CLCNKB: variants seen among roughly 807,000 people sequenced by gnomAD.
The protein encoded by CLCNKB is chloride voltage-gated channel Kb, also known as chloride channel protein ClC-Kb.
CLCNKB carries 74 observed loss-of-function variants against 83.8 expected under a neutral mutation model. The ratio of observed to expected loss-of-function variants is 0.88; its 90% CI spans 0.73 to 1.07. CLCNKB has a LOEUF of 1.07. Ranked by LOEUF, CLCNKB falls within the 50% of genes least tolerant of loss-of-function variation. CLCNKB has a pLI of 0.00. For synonymous variants in CLCNKB, 358 were observed against 356.6 expected (o/e 1.00, Z -0.04); for missense variants, 798 against 893.6 (o/e 0.89, Z 1.36).
At chr1:16,054,147 C>G (rs1389931964) in intron 16 of CLCNKB, among the ~76,000 whole-genome samples, 1 of 152,208 alleles carries the variant, frequency 6.6e-6, no homozygotes, top group Non-Finnish European at 1.5e-5. Context: ...AGGAAAACAT[C>G]TCTTTAGAGA....
In CLCNKB at chr1:16,047,898, C is replaced by T. The variant is rs767050795; in HGVS notation, c.359-7C>T. 9.9e-6 allele frequency: 16 copies of T among 1,613,376 alleles called. No individual in the cohort carries two copies. Among genetic ancestry groups the T allele is most frequent in the Admixed American group, 1.7e-5 (1 of 60,020 alleles). On this transcript the variant is annotated splice_region_variant and splice_polypyrimidine_tract_variant and intron_variant, in intron 4 of 19. Transcript: ENST00000375679. ...TCCCCCTCCTGGCCCTGCCCACCCC[C>T]GCCAAGGTTCTGGAATCCCGGAGGT...
Position 16,051,011 on chromosome 1 carries a change from C to CCAT in CLCNKB, c.1192_1194dup (p.Ile398dup). ...TGGGAATGGTACCACCCGCGGTTCA[C>CCAT]CATCTTTGGGACCCTTGCCTTCTTC... On this transcript the variant is annotated inframe_insertion, in exon 12 of 20. Coordinates refer to ENST00000375679, the MANE Select transcript of CLCNKB (RefSeq NM_000085.5). 6.2e-7 allele frequency: 1 copy of CCAT among 1,614,092 alleles called. No homozygotes were observed.
At chr1:16,049,973 C>T in intron 10 of CLCNKB, 57 bp downstream of exon 10, 1 of 1,436,834 alleles carries the variant, frequency 7.0e-7, no homozygotes, top group African/African-American at 1.4e-5. Flanking sequence ...TCACCGTACT[C>T]CCAACCTTAT....
rs5257 is a variant in CLCNKB, at chr1:16,046,629, A to G, written c.324A>G (p.Ser108=). ...CTGTGGCCCTCGTCTCTTTCTCTTCAGGCTTCTCTCAGAGCATCACACCCT... is the reference window on the plus strand; with the variant it reads ...CTGTGGCCCTCGTCTCTTTCTCTTCGGGCTTCTCTCAGAGCATCACACCCT... The part of the protein sequence containing the change: ...VYPVALVSFS[S]GFSQSITPSS... The change falls in exon 4 of 20, where the codon TCA becomes TCG. Residue 108 remains serine, a synonymous_variant. Coordinates refer to ENST00000375679, the MANE Select transcript of CLCNKB (RefSeq NM_000085.5). The G allele has an allele frequency of 0.8, 1,285,519 of 1,613,688 alleles. 520,573 individuals are homozygous for G. Among genetic ancestry groups the G allele is most frequent in the East Asian group, 0.99 (44,233 of 44,858 alleles).
chr1:16,050,511 C>T lies in CLCNKB; in HGVS notation c.969-5C>T. 1.2e-6 allele frequency: 2 copies of T among 1,614,048 alleles called. No individual in the cohort carries two copies. The highest frequency in any genetic ancestry group is 1.1e-5 in the South Asian group (1 of 91,080). ...CCAGCCCTAGAGCCCACCCATCCCC[C>T]ACAGCAAGCCTGTGTACTCCGCTCT... On this transcript the variant is annotated splice_polypyrimidine_tract_variant and splice_region_variant and intron_variant, in intron 10 of 19. Transcript: ENST00000375679.
Position 16,055,701 on chromosome 1 carries a change from A to G in CLCNKB, c.1872A>G (p.Ala624=), listed in dbSNP as rs765347212. 1 of 1,613,756 alleles carries G rather than the reference A, an allele frequency of 6.2e-7. No individual in the cohort carries two copies. The highest frequency in any genetic ancestry group is 1.3e-5 in the African/African-American group (1 of 74,916). ...HQQCLQDILA[A]GCPTEPVTLK... is the part of the protein sequence containing the mutation. ...AGTGTCTCCAGGACATCTTGGCTGC[A>G]GGCTGCCCCACAGAACCAGTGACCC... The change falls in exon 18 of 20, where the codon GCA becomes GCG. Residue 624 remains alanine, a synonymous_variant. Transcript: ENST00000375679.
In CLCNKB at chr1:16,048,373, G is replaced by T. The variant is rs2023168679; in HGVS notation, c.529G>T (p.Ala177Ser). 9 of 1,613,946 alleles carry T rather than the reference G, an allele frequency of 5.6e-6. No homozygotes were observed. Among genetic ancestry groups the T allele is most frequent in the Non-Finnish European group, 6.8e-6 (8 of 1,180,032 alleles). ...TTTCGTGCACCTGTCTGTGATGATG[G>T]CTGCCTACCTGGGCCGTGTGCGCAC... ...GPFVHLSVMM[A>S]AYLGRVRTTT... is the part of the protein sequence containing the mutation. Residue 177 changes from alanine to serine, a missense_variant, in exon 6 of 20, where the codon GCT becomes TCT. By Grantham distance (99) the Ala-to-Ser change is moderately conservative. Transcript: ENST00000375679.
chr1:16,055,566 C>T, intron 17 of CLCNKB, 43 bp downstream of exon 17: 1 of 1,511,392 alleles, frequency 6.6e-7, no homozygotes, highest in Non-Finnish European at 9.2e-7. Flanking sequence ...GGGGGTGGGT[C>T]AGCAGGAATG....
At chr1:16,053,291 G>A (rs2023347264) in intron 15 of CLCNKB, among the ~76,000 whole-genome samples, 1 of 152,160 alleles carries the variant, frequency 6.6e-6, no homozygotes, top group South Asian at 2.1e-4. Flanking sequence ...GCCTCCCAAA[G>A]TGCTGGGATT....
intron 2 of CLCNKB, 68 bp downstream of exon 2, chr1:16,044,660 AC>A: frequency 7.5e-7 from 1 of 1,330,058 alleles, no homozygotes. Flanking sequence ...CCCAGCTCCC[AC>A]CCCACCTCCC....
chr1:16,052,649 G>A (rs990347411), intron 15 of CLCNKB, among the ~76,000 whole-genome samples: 1 of 152,212 alleles, frequency 6.6e-6, no homozygotes, highest in Non-Finnish European at 1.5e-5. Flanking sequence ...AGGAGGATGA[G>A]TATTGCCCCG....
chr1:16,056,195 T>C (rs2023433241), intron 18 of CLCNKB, among the ~76,000 whole-genome samples: 1 of 152,070 alleles, frequency 6.6e-6, no homozygotes, highest in Non-Finnish European at 1.5e-5. Context: ...TCTGTGCTGC[T>C]GGAGGGTGCT....
chr1:16,057,050 C>A lies in CLCNKB; in HGVS notation c.*134C>A. The stretch of plus-strand genomic sequence containing the variant: ...CTCCATTCTTTGGCATAACAGGCAA[C>A]TTTAACCTAGCCCAGAAGAGGATGG... On this transcript the variant is annotated 3_prime_UTR_variant, in exon 20 of 20. Transcript: ENST00000375679. The A allele has an allele frequency of 2.3e-6, 2 of 879,410 alleles. No homozygotes were observed. Among genetic ancestry groups the A allele is most frequent in the East Asian group, 2.6e-5 (1 of 37,882 alleles). The allele number at this position is 879,410 out of a possible 1,614,324, so 54.5% of individuals were successfully genotyped here.
In CLCNKB at chr1:16,051,611, G is replaced by T; in HGVS notation, c.1297+64G>T. The T allele has an allele frequency of 1.9e-6, 3 of 1,608,154 alleles. No homozygotes were observed. The Admixed American group carries it at 5.0e-5, about 27-fold the overall frequency. ...TCTTGGGGCAGGACCATGGCTCCTG[G>T]TTCACCCTCCCCAGGTTGTACTGAG... On this transcript the variant is annotated intron_variant, in intron 13 of 19. Coordinates refer to ENST00000375679, the MANE Select transcript of CLCNKB (RefSeq NM_000085.5).
intron 16 of CLCNKB, among the ~76,000 whole-genome samples, chr1:16,054,624 C>T (rs560885073): frequency 1.3e-5 from 2 of 152,106 alleles, no homozygotes; most frequent in African/African-American, 4.8e-5. Flanking sequence ...ACTGGAAGAC[C>T]GTTAGCATTA....
At position 16,043,866 on chromosome 1, in the gene CLCNKB, CAGG is replaced by C. The variant is rs1042370983; in HGVS notation, c.-17_-15del. On this transcript the variant is annotated 5_prime_UTR_variant, in exon 1 of 20. Coordinates refer to ENST00000375679, the MANE Select transcript of CLCNKB (RefSeq NM_000085.5). ...GAGAGGAGGGCCAGCTCAGCCACAG[CAGG>C]AGGACTGACAGGTGAGGGGTCGCTG... 11 of 144,824 alleles carry C rather than the reference CAGG, an allele frequency of 7.6e-5. No individual in the cohort carries two copies. Among genetic ancestry groups the C allele is most frequent in the African/African-American group, 2.9e-4 (11 of 37,498 alleles). 9.0% of individuals were successfully genotyped at this position (144,824 alleles called of 1,614,324 possible).
chr1:16,050,465 T>C, intron 10 of CLCNKB, 51 bp from the exon 11 acceptor site: 1 of 1,582,920 alleles, frequency 6.3e-7, no homozygotes, highest in Middle Eastern at 1.7e-4. Context: ...TCCCTCTCCT[T>C]GGGATGTGGG....
chr1:16,048,673 G>C, intron 7 of CLCNKB, 91 bp downstream of exon 7: 1 of 1,581,132 alleles, frequency 6.3e-7, no homozygotes, highest in Non-Finnish European at 8.6e-7. Context: ...GCCTGGAGGA[G>C]GGGGTGGGGC....
intron 18 of CLCNKB, among the ~76,000 whole-genome samples, 191 bp from the exon 19 acceptor site, chr1:16,056,231 G>A (rs2023434635): frequency 6.6e-6 from 1 of 152,102 alleles, no homozygotes; most frequent in Non-Finnish European, 1.5e-5. Context: ...TTTACCTGCG[G>A]CCCCGCCCAG....
Sources: gnomAD v4.1 joint callset for allele counts (sites outside exome capture counted in the v4.1 genomes callset) on GRCh38, gnomAD v4.1.1 for gene constraint, MANE v1.5 for transcripts, NCBI Gene and HGNC (gene_info 2026-07-23, HGNC 2026-07-21) for gene names.